Variants in CEP72 observed in about 807,000 individuals in gnomAD.
CEP72 encodes the protein centrosomal protein 72.
CEP72 carries 78 observed loss-of-function variants against 65.7 expected under a neutral mutation model. The ratio of observed to expected loss-of-function variants is 1.19; its 90% CI spans 0.99 to 1.43. The LOEUF (loss-of-function observed/expected upper bound fraction) is 1.43. Ranked by LOEUF, CEP72 falls within the 40% of genes most tolerant of loss-of-function variation. CEP72 has a pLI of 0.00. For missense variants in CEP72, 914 were observed against 832.9 expected, an observed-to-expected ratio of 1.10 and a Z score of -1.20; for synonymous variants, 358 against 351.7, an observed-to-expected ratio of 1.02 and a Z score of -0.20.
At position 612,388 on chromosome 5, in the gene CEP72, G is replaced by A. The variant is rs1441176946; in HGVS notation, c.27G>A (p.Val9=). The change falls in exon 1 of 12, where the codon GTG becomes GTA. Residue 9 remains valine, a synonymous_variant. Coordinates refer to ENST00000264935, the MANE Select transcript of CEP72 (RefSeq NM_018140.4). MARAGPRL[V]LSEEAVRAKS... ...TGGCGCGGGCTGGCCCTCGGCTGGT[G>A]CTGAGCGAGGAGGCGGTTCGGGCGA... The A allele has an allele frequency of 4.0e-6, 6 of 1,491,484 alleles. No individual in the cohort carries two copies. In the East Asian group the frequency reaches 8.6e-5, roughly 21 times the overall value. The allele number at this position is 1,491,484 out of a possible 1,614,324, so 92.4% of individuals were successfully genotyped here.
chr5:666,297 G>A (rs959969271), intron 4 of CEP72, among the ~76,000 whole-genome samples: 5 of 152,194 alleles, frequency 3.3e-5, no homozygotes, highest in Non-Finnish European at 5.9e-5. Flanking sequence ...AAAGCTTGGC[G>A]GAAGCAGGTC....
At chr5:640,758 C>G in intron 9 of CEP72, 154 bp downstream of exon 9, 1 of 985,468 alleles carries the variant, frequency 1.0e-6, no homozygotes, top group Non-Finnish European at 1.2e-6. Flanking sequence ...CCCGGCCACC[C>G]CCGGAACGCG....
intron 11 of CEP72, among the ~76,000 whole-genome samples, chr5:649,880 T>C: frequency 8.4e-6 from 1 of 118,720 alleles, no homozygotes; most frequent in Non-Finnish European, 1.8e-5. Context: ...GTGTGGACTG[T>C]GAGGTGGGAC....
chr5:629,549 G>A (rs1417648061), intron 4 of CEP72, among the ~76,000 whole-genome samples: 1 of 118,240 alleles, frequency 8.5e-6, no homozygotes, highest in Admixed American at 8.6e-5. Context: ...GACCAGTCCT[G>A]GTGGGGTTCT....
At chr5:649,517 TGACTGTGAGGTGTG>T (rs1211952448) in intron 11 of CEP72, among the ~76,000 whole-genome samples, 1 of 61,124 alleles carries the variant, frequency 1.6e-5, no homozygotes, top group African/African-American at 6.4e-5. Flanking sequence ...CTGTGAGGTG[TGACTGTGAGGTGTG>T]GACTGTGAGG....
chr5:637,073 A>G (rs1161549932), intron 6 of CEP72, among the ~76,000 whole-genome samples: 4 of 152,120 alleles, frequency 2.6e-5, no homozygotes, highest in African/African-American at 9.7e-5. Flanking sequence ...CTGGGGGCTT[A>G]GTGGTCGGTA....
rs748309829 is a variant in CEP72 at position 624,595 on chromosome 5, C to T, written c.512+16C>T. 4 of 1,529,242 alleles carry T rather than the reference C, an allele frequency of 2.6e-6. No homozygotes were observed. The highest frequency in any genetic ancestry group is 2.7e-6 in the Non-Finnish European group (3 of 1,102,690). 94.7% of individuals were successfully genotyped at this position (1,529,242 alleles called of 1,614,324 possible). On this transcript the variant is annotated intron_variant, in intron 4 of 11. Coordinates refer to ENST00000264935, the MANE Select transcript of CEP72 (RefSeq NM_018140.4). The surrounding 1 kb of genome is among the most constrained non-coding windows in gnomAD (Gnocchi z 4.7). ...AAGAGGGCAGGTATGAACGGAAGTG[C>T]TACGGACACCCAGAGTGTTTCTGAC...
chr5:648,034 G>A (rs1738539609), intron 11 of CEP72, 118 bp downstream of exon 11: 1 of 639,798 alleles, frequency 1.6e-6, no homozygotes, highest in Non-Finnish European at 2.8e-6. Flanking sequence ...CATGAGTCTT[G>A]GCCGATGATA....
intron 1 of CEP72, among the ~76,000 whole-genome samples, chr5:613,018 C>G (rs1280460412): frequency 6.6e-6 from 1 of 152,160 alleles, no homozygotes; most frequent in East Asian, 1.9e-4. Context: ...ATGGACATGT[C>G]AATTTCTGTT....
chr5:633,863 G>A lies in CEP72; in HGVS notation c.607G>A (p.Glu203Lys). 6.2e-7 allele frequency: 1 copy of A among 1,613,908 alleles called. No individual in the cohort carries two copies. Among genetic ancestry groups the A allele is most frequent in the Admixed American group, 1.7e-5 (1 of 60,034 alleles). ...CGAGGCAGTCCTGAACCTCATTGCA[G>A]AGTGCGAGTGGGACCTCGGCAGGCC... ...DDEAVLNLIA[E>K]CEWDLGRPPG... is the part of the protein sequence containing the mutation. Residue 203 changes from glutamate to lysine, a missense_variant, in exon 5 of 12, where the codon GAG (glutamate) becomes AAG (lysine). Transcript: ENST00000264935.
chr5:650,409 T>C (rs1580033110), intron 11 of CEP72, among the ~76,000 whole-genome samples: 1 of 5,204 alleles, frequency 1.9e-4, no homozygotes, highest in Non-Finnish European at 3.0e-4. Context: ...GGTGTGACTG[T>C]GGGTGTGAGG....
At chr5:654,768 A>G (rs1427129451), downstream of CEP72, among the ~76,000 whole-genome samples, 1 of 151,976 alleles carries the variant, frequency 6.6e-6, no homozygotes, top group East Asian at 1.9e-4. Context: ...GTGAGTTCAT[A>G]TTTTTCACCA....
downstream of CEP72, chr5:661,915 G>C (rs383167): frequency 0.75 from 114,463 of 152,348 alleles, 43,098 homozygotes; most frequent in South Asian, 0.84. Flanking sequence ...CTGGGGGAGG[G>C]CGTGCCTCTA....
intron 4 of CEP72, among the ~76,000 whole-genome samples, chr5:627,107 C>A (rs188428027): frequency 6.9e-4 from 105 of 152,350 alleles, no homozygotes; most frequent in African/African-American, 2.4e-3. Flanking sequence ...TTCTTCTGTA[C>A]AGTGAGCCCA....
Position 645,782 on chromosome 5 carries a change from G to A in CEP72, c.1666+1357G>A, listed in dbSNP as rs960714389. ...CTTTGTTACTCGGTCTTAAATGTATGCATAGCTCCCATTTATTTTAGTGTT... is the reference window on the plus strand; with the variant it reads ...CTTTGTTACTCGGTCTTAAATGTATACATAGCTCCCATTTATTTTAGTGTT... On this transcript the variant is annotated intron_variant, in intron 10 of 11. Coordinates refer to ENST00000264935, the MANE Select transcript of CEP72 (RefSeq NM_018140.4). This position sits in a 1 kb window ranked among gnomAD's most constrained non-coding sequence, Gnocchi z 4.0. Among the ~76,000 whole-genome samples, 3 of 152,236 alleles carry A rather than the reference G, an allele frequency of 2.0e-5. No homozygotes were observed. The highest frequency in any genetic ancestry group is 7.2e-5 in the African/African-American group (3 of 41,454).
downstream of CEP72, among the ~76,000 whole-genome samples, chr5:654,549 C>T (rs949903120): frequency 1.4e-4 from 22 of 152,262 alleles, no homozygotes; most frequent in African/African-American, 5.1e-4. Flanking sequence ...TGCTAGGCTT[C>T]AGGCTGCCCT....
At chr5:626,059 G>A (rs1210688241) in intron 4 of CEP72, among the ~76,000 whole-genome samples, 4 of 151,706 alleles carry the variant, frequency 2.6e-5, no homozygotes, top group Admixed American at 1.3e-4. Flanking sequence ...AGGGGGGGGC[G>A]GCACAGTGCG....
At chr5:641,476 T>C (rs1275988389) in intron 9 of CEP72, 6 of 985,326 alleles carry the variant, frequency 6.1e-6, no homozygotes, top group Non-Finnish European at 7.2e-6. Flanking sequence ...GTCCGTTTCA[T>C]GGGAACCAAC....
chr5:646,830 G>A (rs892923469), intron 10 of CEP72, among the ~76,000 whole-genome samples: 3 of 152,190 alleles, frequency 2.0e-5, no homozygotes, highest in Admixed American at 6.5e-5. Context: ...CCTCACTCCC[G>A]CAGAGGTGGA....
Sources: gnomAD v4.1 joint callset for allele counts (sites outside exome capture counted in the v4.1 genomes callset) on GRCh38, gnomAD v4.1.1 for gene constraint, Gnocchi (gnomAD v3.1) non-coding constraint, MANE v1.5 for transcripts, NCBI Gene and HGNC (gene_info 2026-07-23, HGNC 2026-07-21) for gene names.